The following TRMT11 variants were observed in gnomAD, a reference collection of about 807,000 sequenced individuals.
TRMT11 encodes tRNA (guanine(10)-N(2))-methyltransferase TRMT11.
Under a neutral mutation model 62.8 loss-of-function variants are expected in TRMT11, and 53 were observed. That is an observed-to-expected ratio of 0.84 (90% CI 0.68 to 1.06). The LOEUF is 1.06. Ranked by LOEUF, TRMT11 falls within the 50% of genes least tolerant of loss-of-function variation. TRMT11 has a pLI of 0.00. For missense variants in TRMT11, 556 were observed against 553.4 expected (o/e 1.00, Z -0.05); for synonymous variants, 188 against 190.3 (o/e 0.99, Z 0.10).
chr6:126,009,730 ATTC>A (rs1382402888), intron 8 of TRMT11, among the ~76,000 whole-genome samples: 1 of 152,108 alleles, frequency 6.6e-6, no homozygotes, highest in African/African-American at 2.4e-5. Flanking sequence ...AGAAAAAGAT[ATTC>A]TTTATCTGAA....
At chr6:126,013,607 C>G (rs1794589527) in intron 11 of TRMT11, among the ~76,000 whole-genome samples, 1 of 152,110 alleles carries the variant, frequency 6.6e-6, no homozygotes, top group Non-Finnish European at 1.5e-5. Flanking sequence ...TATTTTATAT[C>G]AGGGGTTGGC....
the TRMT11 span, among the ~76,000 whole-genome samples, chr6:126,250,455 G>T: frequency 6.6e-6 from 1 of 152,150 alleles, no homozygotes; most frequent in Admixed American, 6.6e-5. Flanking sequence ...GTAAAACAGG[G>T]TGTGTCATAT....
chr6:126,031,872 G>A (rs1266030548), intron 12 of TRMT11, among the ~76,000 whole-genome samples: 1 of 152,160 alleles, frequency 6.6e-6, no homozygotes, highest in Non-Finnish European at 1.5e-5. Context: ...AAAGTTAGCT[G>A]TGATACTACT....
At chr6:126,243,208 A>G in the TRMT11 span, among the ~76,000 whole-genome samples, 2 of 152,272 alleles carry the variant, frequency 1.3e-5, no homozygotes, top group Non-Finnish European at 2.9e-5. Flanking sequence ...TGGCCATCAG[A>G]GAAATGCGAA....
the TRMT11 span, among the ~76,000 whole-genome samples, chr6:126,223,147 C>T: frequency 1.9e-4 from 29 of 152,096 alleles, no homozygotes; most frequent in Non-Finnish European, 2.8e-4. Context: ...TGAGGCTGGG[C>T]GCAGTGGCTC....
chr6:126,220,223 T>C, the TRMT11 span, among the ~76,000 whole-genome samples: 1 of 152,188 alleles, frequency 6.6e-6, no homozygotes, highest in African/African-American at 2.4e-5. Context: ...TGTACAGTCA[T>C]AGCAGAGACC....
intron 17 of TRMT11, among the ~76,000 whole-genome samples, chr6:126,054,381 G>GC (rs1776308774): frequency 6.6e-6 from 1 of 152,154 alleles, no homozygotes; most frequent in African/African-American, 2.4e-5. Flanking sequence ...CATCTATAGA[G>GC]CCCCCCTAGG....
chr6:126,055,621 G>A (rs998232155), intron 17 of TRMT11, among the ~76,000 whole-genome samples: 5 of 152,196 alleles, frequency 3.3e-5, no homozygotes, highest in African/African-American at 7.2e-5. Context: ...TACTGGGTGA[G>A]ATTGGGAAGG....
intron 17 of TRMT11, among the ~76,000 whole-genome samples, chr6:126,066,477 C>T (rs185025049): frequency 1.6e-4 from 25 of 152,168 alleles, no homozygotes; most frequent in Admixed American, 5.9e-4. Context: ...GTATGTATGT[C>T]GAGAGGGAAG....
downstream of TRMT11, among the ~76,000 whole-genome samples, chr6:126,205,739 C>G (rs1333049494): frequency 6.6e-6 from 1 of 151,978 alleles, no homozygotes; most frequent in Non-Finnish European, 1.5e-5. Context: ...ATTCTTATCT[C>G]TCTTTCTGGC....
At chr6:126,151,806 T>TTTTCTTTTTC (rs1778045344) in intron 21 of TRMT11, among the ~76,000 whole-genome samples, 1 of 86,880 alleles carries the variant, frequency 1.2e-5, no homozygotes, top group Admixed American at 1.3e-4. Context: ...CCTCTCTGTC[T>TTTTCTTTTTC]TTTCTTTCTT....
chr6:126,012,404 T>C (rs948436568), intron 9 of TRMT11, among the ~76,000 whole-genome samples: 1 of 152,158 alleles, frequency 6.6e-6, no homozygotes, highest in Non-Finnish European at 1.5e-5. Context: ...ATAAAATACT[T>C]TCATCTACAG....
chr6:126,228,479 G>A, the TRMT11 span, among the ~76,000 whole-genome samples: 2 of 152,200 alleles, frequency 1.3e-5, no homozygotes, highest in African/African-American at 4.8e-5. Context: ...AGCCTGATAA[G>A]CGCTGCCTCT....
intron 3 of TRMT11, among the ~76,000 whole-genome samples, chr6:125,997,789 G>A (rs1036519761): frequency 1.3e-5 from 2 of 152,172 alleles, no homozygotes; most frequent in South Asian, 2.1e-4. Flanking sequence ...GATTACAGGC[G>A]TTAACCACTG....
rs151038344 is a variant in TRMT11, at chr6:126,148,517, C to T, written c.*1824-26308C>T. Among the ~76,000 whole-genome samples the T allele has an allele frequency of 2.3e-3, 352 of 152,278 alleles. 3 individuals are homozygous for T. The highest frequency in any genetic ancestry group is 7.9e-3 in the African/African-American group (329 of 41,566). ...ACAGTGCAGCATGTTTGAAATTAAA[C>T]AGATGTGGGTTGAAGTTCTGTCTCC... On this transcript the variant is annotated intron_variant and NMD_transcript_variant, in intron 21 of 22. Transcript: ENST00000648977.
At chr6:126,169,847 A>T (rs923491817) in intron 21 of TRMT11, among the ~76,000 whole-genome samples, 4 of 152,330 alleles carry the variant, frequency 2.6e-5, no homozygotes, top group Middle Eastern at 3.4e-3. Flanking sequence ...CAGGAAAAAT[A>T]AAAACCATGA....
intron 21 of TRMT11, among the ~76,000 whole-genome samples, chr6:126,166,767 C>G (rs745627953): frequency 1.3e-5 from 2 of 152,182 alleles, no homozygotes; most frequent in Non-Finnish European, 2.9e-5. Flanking sequence ...TATCTATAAG[C>G]CCCTGACTGG....
the TRMT11 span, among the ~76,000 whole-genome samples, chr6:126,221,045 G>A: frequency 6.6e-6 from 1 of 152,158 alleles, no homozygotes; most frequent in African/African-American, 2.4e-5. Context: ...AATTTGCTTA[G>A]GATAATGGCC....
At chr6:126,099,611 C>G (rs1406893999) in intron 17 of TRMT11, among the ~76,000 whole-genome samples, 7 of 152,030 alleles carry the variant, frequency 4.6e-5, no homozygotes, top group Admixed American at 4.6e-4. Context: ...GCCAGGCATG[C>G]TGGCAGCCAC....
Sources: allele counts gnomAD v4.1 joint callset (sites outside exome capture counted in the v4.1 genomes callset), GRCh38; gene constraint gnomAD v4.1.1; transcripts MANE v1.5; gene names NCBI Gene and HGNC (gene_info 2026-07-23, HGNC 2026-07-21).